Variants in TUT4 observed in about 807,000 individuals in gnomAD.
TUT4 encodes the protein terminal uridylyltransferase 4.
Under a neutral mutation model 192.2 loss-of-function variants are expected in TUT4, and 36 were observed. The ratio of observed to expected loss-of-function variants is 0.19; its 90% CI spans 0.14 to 0.25. The LOEUF (loss-of-function observed/expected upper bound fraction) is 0.25. Among genes scored for constraint, TUT4 ranks in the 10% least tolerant of loss-of-function variants. The pLI is 1.00. For synonymous variants in TUT4, 618 were observed against 666.0 expected, an observed-to-expected ratio of 0.93 and a Z score of 1.11; for missense variants, 1,493 against 1,957.2, an observed-to-expected ratio of 0.76 and a Z score of 4.47.
intron 1 of TUT4, among the ~76,000 whole-genome samples, chr1:52,542,310 T>C (rs1686904499): frequency 1.3e-5 from 2 of 152,170 alleles, no homozygotes; most frequent in South Asian, 4.1e-4. Flanking sequence ...TTAATGTCAC[T>C]GAATGTATGC....
At chr1:52,520,869 T>C (rs1353481527) in intron 2 of TUT4, among the ~76,000 whole-genome samples, 1 of 152,186 alleles carries the variant, frequency 6.6e-6, no homozygotes, top group Non-Finnish European at 1.5e-5. Context: ...CTCAGCTCAC[T>C]GCAACCTCCG....
chr1:52,493,747 A>G, intron 6 of TUT4, 85 bp from the exon 7 acceptor site: 1 of 805,330 alleles, frequency 1.2e-6, no homozygotes, highest in Non-Finnish European at 2.1e-6. Context: ...TTCATTAAAG[A>G]ATAACATTTA....
intron 1 of TUT4, among the ~76,000 whole-genome samples, chr1:52,531,999 T>C (rs1415656727): frequency 1.4e-5 from 2 of 144,118 alleles, no homozygotes; most frequent in Non-Finnish European, 3.0e-5. Flanking sequence ...GCAAATCTCC[T>C]GCCTCAGCCT....
chr1:52,526,006 T>A lies in TUT4; in HGVS notation c.275A>T (p.Asp92Val). The change falls in exon 2 of 30, where the codon GAT (aspartate) becomes GTT (valine). Residue 92 changes from aspartate to valine, a missense_variant. Transcript: ENST00000257177. ...TTTTTTTGCTTTGCAATGACTTTGA[T>A]CTCGAAGGACTAACCCCAAATCTTT... ...GPKDLGLVLR[D>V]QSHCKAKKFP... 1 of 1,614,164 alleles carries A rather than the reference T, an allele frequency of 6.2e-7. No homozygotes were observed. The highest frequency in any genetic ancestry group is 8.5e-7 in the Non-Finnish European group (1 of 1,180,022).
chr1:52,447,476 AC>A (rs1336678435), intron 20 of TUT4, among the ~76,000 whole-genome samples: 2 of 151,030 alleles, frequency 1.3e-5, no homozygotes, highest in African/African-American at 2.5e-5. Flanking sequence ...AAACAAAAAA[AC>A]AAAAAAAAAA....
intron 1 of TUT4, chr1:52,538,478 C>T (rs913012770): frequency 1.3e-5 from 2 of 151,470 alleles, no homozygotes; most frequent in African/African-American, 4.8e-5. Context: ...GCCTAGGCAA[C>T]ACAGGAGACT....
At chr1:52,546,104 A>C (rs1288086817) in intron 1 of TUT4, among the ~76,000 whole-genome samples, 1 of 152,108 alleles carries the variant, frequency 6.6e-6, no homozygotes, top group Non-Finnish European at 1.5e-5. Context: ...ATGCCACTGC[A>C]CTCCAGCTTG....
At position 52,553,018 on chromosome 1, in the gene TUT4, T is replaced by C; in HGVS notation, c.-181A>G. 1 of 156,076 alleles carries C rather than the reference T, an allele frequency of 6.4e-6. No individual in the cohort carries two copies. Among genetic ancestry groups the C allele is most frequent in the Non-Finnish European group, 1.4e-5 (1 of 71,774 alleles). 9.7% of individuals were successfully genotyped at this position (156,076 alleles called of 1,614,324 possible). A position where few individuals can be genotyped will look rare whatever the true frequency, so the allele number is the denominator to read the frequency against. ...CCTCCGCCTCCTGCTGCCGCCGCCG[T>C]CGCCGCTGCCGCCGCTGGAGGCCGG... On this transcript the variant is annotated 5_prime_UTR_variant, in exon 1 of 30. Coordinates refer to ENST00000257177, the MANE Select transcript of TUT4 (RefSeq NM_001009881.3).
chr1:52,525,275 T>A (rs1201474917), intron 2 of TUT4, among the ~76,000 whole-genome samples: 2 of 152,184 alleles, frequency 1.3e-5, no homozygotes, highest in Admixed American at 6.5e-5. Flanking sequence ...AACAAGAGTG[T>A]GTATGTGTAC....
chr1:52,549,017 T>C (rs1053422135), intron 1 of TUT4, among the ~76,000 whole-genome samples: 7 of 152,106 alleles, frequency 4.6e-5, no homozygotes, highest in African/African-American at 1.7e-4. Flanking sequence ...TTCCAAAAAA[T>C]TAAAAGTTCT....
chr1:52,499,786 A>G (rs1673576347), intron 4 of TUT4, among the ~76,000 whole-genome samples: 1 of 151,970 alleles, frequency 6.6e-6, no homozygotes, highest in Non-Finnish European at 1.5e-5. Flanking sequence ...AATCAAACAG[A>G]GAGCCCAGGC....
intron 29 of TUT4, 64 bp from the exon 30 acceptor site, chr1:52,424,066 G>C: frequency 1.3e-6 from 2 of 1,490,542 alleles, no homozygotes; most frequent in Non-Finnish European, 1.8e-6. Flanking sequence ...CAACACCTTA[G>C]AATTAACTTG....
At chr1:52,424,467 A>G (rs1043900845) in intron 29 of TUT4, 9 of 155,544 alleles carry the variant, frequency 5.8e-5, no homozygotes, top group Non-Finnish European at 7.1e-5. Flanking sequence ...ATTTCATTCA[A>G]TCAGCATTTC....
At chr1:52,469,262 T>C (rs1665025389) in intron 14 of TUT4, among the ~76,000 whole-genome samples, 1 of 152,074 alleles carries the variant, frequency 6.6e-6, no homozygotes, top group South Asian at 2.1e-4. Flanking sequence ...AACTATATTA[T>C]AAATGTATGA....
intron 4 of TUT4, among the ~76,000 whole-genome samples, chr1:52,504,551 AC>A: frequency 6.6e-6 from 1 of 152,088 alleles, no homozygotes; most frequent in Non-Finnish European, 1.5e-5. Flanking sequence ...AACTGCTTGA[AC>A]CCAGGAGGTG....
At chr1:52,439,216 C>T (rs752102867) in intron 24 of TUT4, among the ~76,000 whole-genome samples, 1 of 151,838 alleles carries the variant, frequency 6.6e-6, no homozygotes, top group African/African-American at 2.4e-5. Context: ...GACGAAGTGG[C>T]GAAACTCTGT....
chr1:52,516,848 A>G (rs1387669743), intron 2 of TUT4, among the ~76,000 whole-genome samples: 1 of 152,218 alleles, frequency 6.6e-6, no homozygotes, highest in African/African-American at 2.4e-5. Context: ...ACAAAGGAAA[A>G]AAGCAAGGAA....
chr1:52,502,751 T>G (rs1040925049), intron 4 of TUT4, among the ~76,000 whole-genome samples: 1 of 151,580 alleles, frequency 6.6e-6, no homozygotes, highest in Non-Finnish European at 1.5e-5. Context: ...GCCTCTCAAG[T>G]AGCTGGGACC....
At chr1:52,458,981 C>G (rs749498317) in intron 19 of TUT4, among the ~76,000 whole-genome samples, 4 of 151,940 alleles carry the variant, frequency 2.6e-5, no homozygotes, top group African/African-American at 4.8e-5. Flanking sequence ...AAATAATTAA[C>G]GACTATTCAC....
Sources: allele counts gnomAD v4.1 joint callset (sites outside exome capture counted in the v4.1 genomes callset), GRCh38; gene constraint gnomAD v4.1.1; transcripts MANE v1.5; gene names NCBI Gene and HGNC (gene_info 2026-07-23, HGNC 2026-07-21).